The following PDGFC variants were observed in gnomAD, a reference collection of about 807,000 sequenced individuals.
PDGFC encodes the protein platelet-derived growth factor C.
Under a neutral mutation model 35.5 loss-of-function variants are expected in PDGFC, and 12 were observed. The observed-to-expected ratio is 0.34, with a 90% CI of 0.22 to 0.55. The LOEUF is 0.55. Among genes scored for constraint, PDGFC ranks in the 20% least tolerant of loss-of-function variants. PDGFC has a pLI of 0.91. For synonymous variants in PDGFC, 159 were observed against 148.8 expected (o/e 1.07, Z -0.50); for missense variants, 322 against 412.4 (o/e 0.78, Z 1.90).
intron 4 of PDGFC, among the ~76,000 whole-genome samples, chr4:156,771,589 G>A (rs1730694911): frequency 6.6e-6 from 1 of 152,134 alleles, no homozygotes; most frequent in Non-Finnish European, 1.5e-5. Context: ...ACGTCTGTTG[G>A]CATAGTGAAA....
At chr4:156,968,939 G>A (rs1013130374) in intron 1 of PDGFC, among the ~76,000 whole-genome samples, 17 of 152,120 alleles carry the variant, frequency 1.1e-4, no homozygotes, top group Admixed American at 2.6e-4. Context: ...AATCTACTTG[G>A]GTAAAGTGGC....
At chr4:156,867,796 AT>A (rs1729881317) in intron 1 of PDGFC, among the ~76,000 whole-genome samples, 1 of 152,336 alleles carries the variant, frequency 6.6e-6, no homozygotes, top group East Asian at 1.9e-4. Context: ...AAACAAAGGA[AT>A]TGATCGGAGT....
At chr4:156,789,733 T>A (rs1731237122) in intron 3 of PDGFC, among the ~76,000 whole-genome samples, 1 of 152,126 alleles carries the variant, frequency 6.6e-6, no homozygotes, top group Admixed American at 6.5e-5. Flanking sequence ...TCCCAGCACT[T>A]CGGGAGGCCG....
At chr4:156,821,836 A>G in intron 2 of PDGFC, among the ~76,000 whole-genome samples, 1 of 152,104 alleles carries the variant, frequency 6.6e-6, no homozygotes, top group Non-Finnish European at 1.5e-5. Flanking sequence ...GGCTTGAGCC[A>G]CCGTGCCTGG....
At chr4:156,927,324 G>A (rs1313834034) in intron 1 of PDGFC, among the ~76,000 whole-genome samples, 1 of 152,164 alleles carries the variant, frequency 6.6e-6, no homozygotes, top group Non-Finnish European at 1.5e-5. Context: ...ACATCGGGCT[G>A]CTTGTTACTT....
intron 2 of PDGFC, among the ~76,000 whole-genome samples, chr4:156,821,195 ATGTG>A (rs3067736): frequency 2.4e-5 from 3 of 126,238 alleles, no homozygotes; most frequent in Non-Finnish European, 4.8e-5. Context: ...GTGTGTGTGT[ATGTG>A]TGTGTGTGTG....
chr4:156,865,754 C>A (rs960817677), intron 1 of PDGFC, among the ~76,000 whole-genome samples: 3 of 152,214 alleles, frequency 2.0e-5, no homozygotes, highest in African/African-American at 4.8e-5. Context: ...CTGCTTCCTT[C>A]TCTGGCAACA....
intron 1 of PDGFC, among the ~76,000 whole-genome samples, chr4:156,961,301 C>T (rs1195924254): frequency 6.6e-6 from 1 of 152,060 alleles, no homozygotes; most frequent in African/African-American, 2.4e-5. Context: ...AAAATAACTG[C>T]CAGAAACAAC....
At chr4:156,880,284 A>C (rs904941880) in intron 1 of PDGFC, among the ~76,000 whole-genome samples, 1 of 152,166 alleles carries the variant, frequency 6.6e-6, no homozygotes, top group African/African-American at 2.4e-5. Flanking sequence ...ATTGAAGTTA[A>C]AATCAATGCT....
chr4:156,842,884 T>C (rs1365927020), intron 2 of PDGFC, among the ~76,000 whole-genome samples: 1 of 152,220 alleles, frequency 6.6e-6, no homozygotes, highest in Non-Finnish European at 1.5e-5. Context: ...AGGCCCAATA[T>C]ACATTACATT....
intron 1 of PDGFC, among the ~76,000 whole-genome samples, chr4:156,922,483 T>C (rs570205595): frequency 6.6e-6 from 1 of 152,182 alleles, no homozygotes; most frequent in South Asian, 2.1e-4. Flanking sequence ...GTGTGATAAG[T>C]GTTACAATGA....
chr4:156,921,549 T>C (rs145915317), intron 1 of PDGFC, among the ~76,000 whole-genome samples: 293 of 151,644 alleles, frequency 1.9e-3, no homozygotes, highest in African/African-American at 6.2e-3. Context: ...AGAGAGAGGG[T>C]TGATAAGAAA....
intron 1 of PDGFC, among the ~76,000 whole-genome samples, chr4:156,958,179 C>A (rs914395036): frequency 5.3e-5 from 8 of 151,958 alleles, no homozygotes; most frequent in African/African-American, 1.7e-4. Flanking sequence ...AGCCTAATTT[C>A]TCTTTGCATT....
rs570782304 is a variant in PDGFC, at chr4:156,822,232, G to A, written c.315-11215C>T. On this transcript the variant is annotated intron_variant, in intron 2 of 5. Coordinates refer to ENST00000502773, the MANE Select transcript of PDGFC (RefSeq NM_016205.3). ...AAATTAGCCGGGCGTGGTGGTGGGC[G>A]CCTGTAGTCCCAGCTACCTGGGAGG... Among the ~76,000 whole-genome samples, 1,509 of 151,780 alleles carry A rather than the reference G, an allele frequency of 9.9e-3. 33 individuals are homozygous for A. The highest frequency in any genetic ancestry group is 0.033 in the African/African-American group (1,382 of 41,410).
chr4:156,802,555 TAC>T (rs3042776), intron 3 of PDGFC, among the ~76,000 whole-genome samples: 44,547 of 145,090 alleles, frequency 0.31, 6,896 homozygotes, highest in South Asian at 0.55. Context: ...TACACACACA[TAC>T]ACACACACAC....
intron 1 of PDGFC, among the ~76,000 whole-genome samples, chr4:156,853,154 T>A (rs1729494927): frequency 6.6e-6 from 1 of 152,232 alleles, no homozygotes; most frequent in Non-Finnish European, 1.5e-5. Context: ...CAAAGCTGTT[T>A]GAATTATGGG....
intron 1 of PDGFC, among the ~76,000 whole-genome samples, chr4:156,913,993 T>C (rs1393943954): frequency 6.6e-6 from 1 of 152,196 alleles, no homozygotes; most frequent in Non-Finnish European, 1.5e-5. Flanking sequence ...GCTGGTTTTA[T>C]GCACAAAAAT....
chr4:156,909,250 AT>A (rs1397690505), intron 1 of PDGFC, among the ~76,000 whole-genome samples: 3 of 152,200 alleles, frequency 2.0e-5, no homozygotes, highest in Non-Finnish European at 4.4e-5. Context: ...ATTTTATGGT[AT>A]GTGAATTATA....
chr4:156,802,753 G>A (rs1426655015), intron 3 of PDGFC, among the ~76,000 whole-genome samples: 1 of 152,068 alleles, frequency 6.6e-6, no homozygotes, highest in Non-Finnish European at 1.5e-5. Flanking sequence ...AAGCCAGCAC[G>A]CAGTACAGTG....
Sources: gnomAD v4.1 joint callset for allele counts (sites outside exome capture counted in the v4.1 genomes callset) on GRCh38, gnomAD v4.1.1 for gene constraint, MANE v1.5 for transcripts, NCBI Gene and HGNC (gene_info 2026-07-23, HGNC 2026-07-21) for gene names.